The following GPR137C variants were observed in gnomAD, a reference collection of about 807,000 sequenced individuals.
GPR137C encodes the protein integral membrane protein GPR137C.
In GPR137C, 27 loss-of-function variants were observed where a neutral mutation model predicts 43.4. That is an observed-to-expected ratio of 0.62 (90% CI 0.46 to 0.86). GPR137C has a LOEUF of 0.86. Ranked by LOEUF, GPR137C falls within the 40% of genes least tolerant of loss-of-function variation. The probability of loss-of-function intolerance (pLI) is 0.00; values close to 1 mark genes in which losing one functional copy is unlikely to be tolerated. For missense variants in GPR137C, 522 were observed against 534.6 expected (o/e 0.98, Z 0.23); for synonymous variants, 285 against 226.9 (o/e 1.26, Z -2.30).
intron 1 of GPR137C, among the ~76,000 whole-genome samples, chr14:52,573,514 A>G (rs1457428932): frequency 2.0e-5 from 3 of 152,244 alleles, no homozygotes; most frequent in African/African-American, 7.2e-5. Context: ...AAAACTGGCT[A>G]GCCATATGCA....
At chr14:52,619,826 A>C (rs1450539742) in intron 3 of GPR137C, among the ~76,000 whole-genome samples, 1 of 152,092 alleles carries the variant, frequency 6.6e-6, no homozygotes, top group African/African-American at 2.4e-5. Context: ...TATAATTATC[A>C]AGACATGTTT....
chr14:52,625,034 A>G (rs2039206168), intron 3 of GPR137C, among the ~76,000 whole-genome samples: 1 of 152,230 alleles, frequency 6.6e-6, no homozygotes, highest in Admixed American at 6.5e-5. Flanking sequence ...ATTGTATTTT[A>G]TCTTAGATTT....
At chr14:52,578,510 C>A (rs2038597211) in intron 1 of GPR137C, among the ~76,000 whole-genome samples, 1 of 152,102 alleles carries the variant, frequency 6.6e-6, no homozygotes, top group African/African-American at 2.4e-5. Context: ...TTCATGAGCT[C>A]CATATCTACT....
At chr14:52,568,609 G>A (rs944318228) in intron 1 of GPR137C, among the ~76,000 whole-genome samples, 26 of 152,156 alleles carry the variant, frequency 1.7e-4, no homozygotes, top group African/African-American at 6.0e-4. Context: ...CTTGGTGGGG[G>A]GAGGGGGCAT....
At position 52,600,176 on chromosome 14, in the gene GPR137C, C is replaced by G; in HGVS notation, c.552C>G (p.Cys184Trp). ...SLLFLVVNLT[C>W]AMLVHGDVPE... ...TCTTTTTAGTGGTGAACTTGACTTG[C>G]GCAATGCTAGTTCATGGAGATGTCC... The change falls in exon 3 of 7, where the codon TGC becomes TGG. Residue 184 changes from cysteine (C) to tryptophan (W), a missense_variant. By Grantham distance (215) the Cys-to-Trp change is radical. This residue lies in a region of GPR137C where 437 missense variants were observed against 425.7 expected (regional missense o/e 1.03). Transcript: ENST00000321662. The G allele has an allele frequency of 6.2e-7, 1 of 1,613,838 alleles. No homozygotes were observed. Among genetic ancestry groups the G allele is most frequent in the Non-Finnish European group, 8.5e-7 (1 of 1,179,804 alleles).
chr14:52,558,705 CATTT>C (rs2038232731), intron 1 of GPR137C, among the ~76,000 whole-genome samples: 1 of 152,066 alleles, frequency 6.6e-6, no homozygotes, highest in Non-Finnish European at 1.5e-5. Flanking sequence ...AATAATTAAT[CATTT>C]ATGAATTAAA....
intron 1 of GPR137C, 39 bp downstream of exon 1, chr14:52,553,630 G>T (rs750385768): frequency 2.3e-5 from 34 of 1,461,702 alleles, no homozygotes; most frequent in Non-Finnish European, 2.9e-5. Flanking sequence ...CCGGGCGGGT[G>T]CGCGGGGCCG....
rs183952740 is a variant in GPR137C at position 52,624,700 on chromosome 14, C to T, written c.718-7460C>T. Among the ~76,000 whole-genome samples the T allele has an allele frequency of 2.3e-3, 339 of 145,416 alleles. 3 individuals are homozygous for T. Among genetic ancestry groups the T allele is most frequent in the Middle Eastern group, 7.1e-3 (2 of 280 alleles). Reference sequence around the variant, plus strand: ...GATCATGCCACTGCACTCCATCCAACGCAACAGAGCCATATGCTGTCTCAA... The same window carrying T: ...GATCATGCCACTGCACTCCATCCAATGCAACAGAGCCATATGCTGTCTCAA... On this transcript the variant is annotated intron_variant, in intron 3 of 6. Transcript: ENST00000321662.
Position 52,552,923 on chromosome 14 carries a change from G to A in GPR137C, c.-225G>A, listed in dbSNP as rs2038099785. Among the ~76,000 whole-genome samples the A allele has an allele frequency of 6.6e-6, 1 of 151,862 alleles. No homozygotes were observed. Among genetic ancestry groups the A allele is most frequent in the Non-Finnish European group, 1.5e-5 (1 of 67,918 alleles). On this transcript the variant is annotated 5_prime_UTR_variant, in exon 1 of 7. Transcript: ENST00000321662. Reference sequence around the variant, plus strand: ...TTTTTTGCAGCTACGGAGCCGAGCCGCAGCAGGAGGAGCCGAGACCCCCGG... The same window carrying A: ...TTTTTTGCAGCTACGGAGCCGAGCCACAGCAGGAGGAGCCGAGACCCCCGG...
chr14:52,596,992 T>C (rs1221673882), intron 1 of GPR137C: 3 of 455,188 alleles, frequency 6.6e-6, no homozygotes, highest in East Asian at 6.9e-5. Flanking sequence ...GGTGCGTTTG[T>C]AACAATGCAT....
intron 1 of GPR137C, among the ~76,000 whole-genome samples, chr14:52,566,647 T>A (rs1351584641): frequency 6.6e-6 from 1 of 152,204 alleles, no homozygotes; most frequent in Non-Finnish European, 1.5e-5. Flanking sequence ...AGGAAATCCT[T>A]TTGCCCAAAG....
At chr14:52,589,995 A>C (rs915012783) in intron 1 of GPR137C, among the ~76,000 whole-genome samples, 11 of 152,192 alleles carry the variant, frequency 7.2e-5, no homozygotes, top group Admixed American at 2.6e-4. Context: ...TATTAAAAAA[A>C]AGTTAACTGT....
At chr14:52,621,343 A>G (rs571557374) in intron 3 of GPR137C, among the ~76,000 whole-genome samples, 1 of 151,960 alleles carries the variant, frequency 6.6e-6, no homozygotes, top group South Asian at 2.1e-4. Flanking sequence ...GTGGAGAAAT[A>G]AAAACATTTC....
chr14:52,627,351 C>CCAAAGCACTTCAGT (rs2039239859), intron 3 of GPR137C, among the ~76,000 whole-genome samples: 1 of 151,968 alleles, frequency 6.6e-6, no homozygotes, highest in Non-Finnish European at 1.5e-5. Flanking sequence ...TTTGATCACA[C>CCAAAGCACTTCAGT]CAAAGCACTT....
rs553253606 is a variant in GPR137C at position 52,600,314 on chromosome 14, A to G, written c.690A>G (p.Ser230=). ...VCYICKITKM[S]SANVYLESKG... is the part of the protein sequence containing the mutation. The stretch of plus-strand genomic sequence containing the variant: ...ACATATGCAAAATTACAAAAATGTC[A>G]TCAGCTAATGTCTACCTCGAATCAA... The change falls in exon 3 of 7, where the codon TCA becomes TCG. Residue 230 remains serine, a synonymous_variant. Coordinates refer to ENST00000321662, the MANE Select transcript of GPR137C (RefSeq NM_001099652.2). 14 of 1,603,004 alleles carry G rather than the reference A, an allele frequency of 8.7e-6. No individual in the cohort carries two copies. In the Admixed American group the frequency reaches 2.0e-4, roughly 23 times the overall value.
intron 1 of GPR137C, among the ~76,000 whole-genome samples, chr14:52,584,015 C>G (rs147523767): frequency 1.8e-4 from 27 of 152,224 alleles, no homozygotes; most frequent in African/African-American, 6.3e-4. Flanking sequence ...CTCATCCTGA[C>G]TTTTAGTCAC....
chr14:52,619,512 A>G (rs1305126561), intron 3 of GPR137C, among the ~76,000 whole-genome samples: 2 of 152,126 alleles, frequency 1.3e-5, no homozygotes. Context: ...CAGTTGTTGT[A>G]CTGCAAGTCT....
intron 1 of GPR137C, among the ~76,000 whole-genome samples, chr14:52,578,337 C>A (rs1306992704): frequency 6.6e-6 from 1 of 152,012 alleles, no homozygotes; most frequent in Non-Finnish European, 1.5e-5. Flanking sequence ...GAATCTTTTT[C>A]TTTTCTTTCC....
intron 1 of GPR137C, among the ~76,000 whole-genome samples, chr14:52,586,108 T>C (rs1294888531): frequency 6.6e-6 from 1 of 152,198 alleles, no homozygotes; most frequent in Non-Finnish European, 1.5e-5. Flanking sequence ...AGGGAGAGTT[T>C]ACTATCCTGG....
Sources: gnomAD v4.1 joint callset for allele counts (sites outside exome capture counted in the v4.1 genomes callset) on GRCh38, gnomAD v4.1.1 for gene constraint, gnomAD v4.1.1 regional missense constraint, MANE v1.5 for transcripts, NCBI Gene and HGNC (gene_info 2026-07-23, HGNC 2026-07-21) for gene names.